MACROD2: variants seen among roughly 807,000 people sequenced by gnomAD.
MACROD2 encodes ADP-ribose glycohydrolase MACROD2.
MACROD2 carries 36 observed loss-of-function variants against 70.4 expected under a neutral mutation model. That is an observed-to-expected ratio of 0.51 (90% CI 0.39 to 0.68). The LOEUF (loss-of-function observed/expected upper bound fraction) is 0.68. Ranked by LOEUF, MACROD2 falls within the 30% of genes least tolerant of loss-of-function variation. The pLI, the probability that MACROD2 is intolerant of heterozygous loss-of-function variation, is 0.00. For synonymous variants in MACROD2, 172 were observed against 178.8 expected (o/e 0.96, Z 0.30); for missense variants, 496 against 538.4 (o/e 0.92, Z 0.78).
At chr20:14,170,081 A>G (rs998044884) in intron 3 of MACROD2, among the ~76,000 whole-genome samples, 5 of 152,112 alleles carry the variant, frequency 3.3e-5, no homozygotes, top group African/African-American at 1.2e-4. Context: ...TTTAGTAGAG[A>G]TGGGGTTTCA....
chr20:15,330,444 G>A (rs1166021521), intron 6 of MACROD2, among the ~76,000 whole-genome samples: 2 of 151,468 alleles, frequency 1.3e-5, no homozygotes, highest in South Asian at 2.1e-4. Context: ...AAATGCAGAA[G>A]GGCCTCTCCC....
intron 10 of MACROD2, among the ~76,000 whole-genome samples, chr20:15,887,753 C>G (rs201312183): frequency 6.6e-6 from 1 of 152,114 alleles, no homozygotes; most frequent in Non-Finnish European, 1.5e-5. Flanking sequence ...AAAGGAAGAA[C>G]GTAAGACTAA....
intron 2 of MACROD2, among the ~76,000 whole-genome samples, chr20:14,058,054 A>AGGAAG (rs2053650715): frequency 6.6e-6 from 1 of 152,194 alleles, no homozygotes; most frequent in Non-Finnish European, 1.5e-5. Context: ...TTTATGGATG[A>AGGAAG]GGAAGGGATA....
At chr20:14,624,336 A>G (rs1348787098) in intron 4 of MACROD2, among the ~76,000 whole-genome samples, 1 of 152,188 alleles carries the variant, frequency 6.6e-6, no homozygotes, top group Admixed American at 6.6e-5. Flanking sequence ...CACACTTAGT[A>G]ATACTGTTCC....
intron 4 of MACROD2, among the ~76,000 whole-genome samples, chr20:14,634,474 A>G (rs142425365): frequency 6.6e-6 from 1 of 152,254 alleles, no homozygotes; most frequent in East Asian, 1.9e-4. Context: ...CATATTATTC[A>G]TAAACCTTGT....
intron 5 of MACROD2, among the ~76,000 whole-genome samples, chr20:15,217,131 G>T (rs1208066260): frequency 1.3e-5 from 2 of 152,140 alleles, no homozygotes; most frequent in Admixed American, 1.3e-4. Flanking sequence ...TAGAAGCAAA[G>T]AAACCAGTAA....
chr20:15,882,282 G>C (rs548287736), intron 9 of MACROD2, among the ~76,000 whole-genome samples: 71 of 152,194 alleles, frequency 4.7e-4, no homozygotes, highest in African/African-American at 1.7e-3. Context: ...CTTCATAGGG[G>C]AGTGGACAGA....
Position 15,933,306 on chromosome 20 carries a change from T to A in MACROD2, c.806T>A (p.Val269Glu). The A allele has an allele frequency of 6.2e-7, 1 of 1,613,388 alleles. No individual in the cohort carries two copies. The highest frequency in any genetic ancestry group is 8.5e-7 in the Non-Finnish European group (1 of 1,179,560). Residue 269 changes from valine (V) to glutamate (E), a missense_variant, in exon 11 of 18, where the codon GTG (valine) becomes GAG (glutamate). By Grantham distance (121) the Val-to-Glu change is moderately radical (BLOSUM62 -2). Transcript: ENST00000684519. ...DENGPEEKQS[V>E]EEMEEQSQDA... is the part of the protein sequence containing the mutation. The stretch of plus-strand genomic sequence containing the variant: ...AACGGTCCAGAGGAGAAGCAAAGTG[T>A]GGAAGAAATGGAAGAGCAGAGCCAA...
chr20:16,031,757 T>C (rs1308317708), intron 15 of MACROD2, among the ~76,000 whole-genome samples: 3 of 152,150 alleles, frequency 2.0e-5, no homozygotes, highest in Non-Finnish European at 2.9e-5. Context: ...TAGTACCTGC[T>C]AATAAAGTAT....
intron 4 of MACROD2, among the ~76,000 whole-genome samples, chr20:14,667,958 G>T (rs1442942352): frequency 1.3e-5 from 2 of 151,940 alleles, no homozygotes; most frequent in Non-Finnish European, 2.9e-5. Flanking sequence ...GACCAGCCTG[G>T]GCAACATGGC....
chr20:15,433,690 A>G (rs1041794932), intron 7 of MACROD2, among the ~76,000 whole-genome samples: 2 of 151,856 alleles, frequency 1.3e-5, no homozygotes, highest in Non-Finnish European at 2.9e-5. Flanking sequence ...GAACTAGGAA[A>G]AAAAAGCTGA....
chr20:14,581,974 G>A (rs1356945273), intron 4 of MACROD2, among the ~76,000 whole-genome samples: 1 of 152,116 alleles, frequency 6.6e-6, no homozygotes, highest in African/African-American at 2.4e-5. Flanking sequence ...TTTCCTGATA[G>A]CATCCCCAGT....
At chr20:14,040,499 G>T (rs2053376928) in intron 2 of MACROD2, among the ~76,000 whole-genome samples, 1 of 152,098 alleles carries the variant, frequency 6.6e-6, no homozygotes, top group African/African-American at 2.4e-5. Context: ...AGTTTTTGGT[G>T]TACCCATTAC....
At chr20:15,556,455 C>T (rs2048170760) in intron 8 of MACROD2, among the ~76,000 whole-genome samples, 1 of 151,996 alleles carries the variant, frequency 6.6e-6, no homozygotes, top group South Asian at 2.1e-4. Context: ...TCTGTGTATT[C>T]ATGGTGCCCA....
chr20:15,561,636 A>AGC (rs2146607648), intron 8 of MACROD2, among the ~76,000 whole-genome samples: 1 of 152,216 alleles, frequency 6.6e-6, no homozygotes, highest in South Asian at 2.1e-4. Flanking sequence ...AATGAGAGAG[A>AGC]TGAAATGAGA....
chr20:14,196,025 A>T (rs1256471857), intron 3 of MACROD2, among the ~76,000 whole-genome samples: 2 of 152,184 alleles, frequency 1.3e-5, no homozygotes, highest in Non-Finnish European at 2.9e-5. Flanking sequence ...CTGGGGCTTC[A>T]GCTGTAAACA....
chr20:14,088,124 A>G (rs984616927), intron 3 of MACROD2, among the ~76,000 whole-genome samples: 1 of 151,960 alleles, frequency 6.6e-6, no homozygotes, highest in African/African-American at 2.4e-5. Context: ...AGGTCAAGAG[A>G]TTGAGACCAT....
At chr20:15,661,114 T>C (rs1343322975) in intron 8 of MACROD2, among the ~76,000 whole-genome samples, 1 of 152,162 alleles carries the variant, frequency 6.6e-6, no homozygotes, top group Non-Finnish European at 1.5e-5. Flanking sequence ...AGGAGTGATT[T>C]TACCTTTCAG....
At chr20:14,673,302 A>G (rs2042968144) in intron 4 of MACROD2, among the ~76,000 whole-genome samples, 1 of 152,220 alleles carries the variant, frequency 6.6e-6, no homozygotes, top group Non-Finnish European at 1.5e-5. Flanking sequence ...CACTTAACAC[A>G]GGGCCCAATT....
Sources: allele counts gnomAD v4.1 joint callset (sites outside exome capture counted in the v4.1 genomes callset), GRCh38; gene constraint gnomAD v4.1.1; transcripts MANE v1.5; gene names NCBI Gene and HGNC (gene_info 2026-07-23, HGNC 2026-07-21).